The following PHF8 variants were observed in gnomAD, a reference collection of about 807,000 sequenced individuals.
PHF8 encodes histone lysine demethylase PHF8.
Under a neutral mutation model 74.4 loss-of-function variants are expected in PHF8, and 9 were observed. That is an observed-to-expected ratio of 0.12 (90% CI 0.07 to 0.21). The LOEUF is 0.21. PHF8 is among the 10% of genes least tolerant of loss of function. PHF8 has a pLI of 1.00. For missense variants in PHF8, 478 were observed against 816.6 expected (o/e 0.59, Z 5.05); for synonymous variants, 311 against 316.6 (o/e 0.98, Z 0.19).
rs782120113 is a variant in PHF8 at position 53,958,563 on chromosome X, C to T, written c.2539+4281G>A. ...TTGGGAGGCCGAGGCGGGCGGATCA[C>T]GAGGTCAGGAGATCGAGACCATCCT... On this transcript the variant is annotated intron_variant, in intron 19 of 21. Transcript: ENST00000338154. Among the ~76,000 whole-genome samples, 598 of 103,299 alleles carry T rather than the reference C, an allele frequency of 5.8e-3. 7 individuals carry two copies. Among genetic ancestry groups the T allele is most frequent in the African/African-American group, 0.02 (556 of 28,480 alleles). The allele number at this position is 103,299 out of a possible 115,157, so 89.7% of individuals were successfully genotyped here. A position where few individuals can be genotyped will look rare whatever the true frequency, so the allele number is the denominator to read the frequency against.
chrX:53,952,297 A>G (rs1206259503), intron 19 of PHF8, among the ~76,000 whole-genome samples: 6 of 109,651 alleles, frequency 5.5e-5, no homozygotes, highest in African/African-American at 2.0e-4. Flanking sequence ...AAAAAAAAAA[A>G]GGCATGTTAA....
At chrX:54,015,907 A>G (rs1228245708) in intron 6 of PHF8, among the ~76,000 whole-genome samples, 1 of 111,281 alleles carries the variant, frequency 9.0e-6, no homozygotes, top group Non-Finnish European at 1.9e-5. Context: ...TTTAAATGTA[A>G]GAAACCTACA....
Position 53,987,945 on chromosome X carries a change from C to T in PHF8, c.1731-1G>A, listed in dbSNP as rs797044651. 8.4e-6 allele frequency: 10 copies of T among 1,195,796 alleles called. No homozygotes were observed. The highest frequency in any genetic ancestry group is 1.1e-5 in the Non-Finnish European group (10 of 885,391). On this transcript the variant is annotated splice_acceptor_variant, in intron 14 of 21. Transcript: ENST00000338154. LOFTEE classifies it high-confidence loss of function. Reference sequence around the variant, plus strand: ...GGATAAACTCTTCACCCTTTTCGTACTGAAGGGAAGGAGAACATAAAAACA... The same window carrying T: ...GGATAAACTCTTCACCCTTTTCGTATTGAAGGGAAGGAGAACATAAAAACA...
At chrX:54,009,034 C>T (rs944413141) in intron 8 of PHF8, among the ~76,000 whole-genome samples, 7 of 110,781 alleles carry the variant, frequency 6.3e-5, no homozygotes, top group Non-Finnish European at 1.1e-4. Context: ...AAAAATTAGC[C>T]GGGTGTGGTA....
chrX:53,965,414 G>A (rs1184971766), intron 18 of PHF8, among the ~76,000 whole-genome samples: 1 of 112,936 alleles, frequency 8.9e-6, no homozygotes, highest in African/African-American at 3.2e-5. Context: ...AGATGCAGGC[G>A]GATCACTTGA....
chrX:53,985,831 T>C lies in PHF8; in HGVS notation c.2114A>G (p.Asp705Gly). Reference protein sequence around the residue: ...LKASRQVGGPDYAALTEAPAS... With the variant: ...LKASRQVGGPGYAALTEAPAS... ...CAGTACTCACGTGAGGGCAGCATAG[T>C]CAGGTCCCCCCACCTGCCTGCTGGC... Residue 705 changes from aspartate (D) to glycine (G), a missense_variant, in exon 17 of 22, where the codon GAC (aspartate) becomes GGC (glycine). Transcript: ENST00000338154. 8.3e-7 allele frequency: 1 copy of C among 1,211,428 alleles called. No individual in the cohort carries two copies. Among genetic ancestry groups the C allele is most frequent in the South Asian group, 1.8e-5 (1 of 56,975 alleles).
At chrX:53,964,799 G>A (rs782300215) in intron 18 of PHF8, among the ~76,000 whole-genome samples, 5 of 107,734 alleles carry the variant, frequency 4.6e-5, no homozygotes, top group Admixed American at 4.0e-4. Flanking sequence ...CCTTGGAGGC[G>A]GAGGTTGCAG....
chrX:54,018,866 C>T (rs782279534), intron 4 of PHF8, among the ~76,000 whole-genome samples: 83 of 110,712 alleles, frequency 7.5e-4, no homozygotes, highest in South Asian at 1.5e-3. Context: ...GTGATCTGCC[C>T]GCCTCAGCCT....
At chrX:53,959,359 T>G (rs953254606) in intron 19 of PHF8, among the ~76,000 whole-genome samples, 15 of 111,908 alleles carry the variant, frequency 1.3e-4, no homozygotes, top group Non-Finnish European at 2.6e-4. Context: ...GCCCTTCTAC[T>G]TTGCATCCTT....
chrX:53,980,950 C>G (rs782776916), intron 18 of PHF8, among the ~76,000 whole-genome samples: 1 of 112,735 alleles, frequency 8.9e-6, no homozygotes, highest in African/African-American at 3.2e-5. Context: ...TGGTGGCTCG[C>G]GCCTGTAATC....
At chrX:53,943,612 A>G (rs782701999) in intron 20 of PHF8, among the ~76,000 whole-genome samples, 1 of 112,290 alleles carries the variant, frequency 8.9e-6, no homozygotes, top group Non-Finnish European at 1.9e-5. Context: ...CACATTAAAG[A>G]ACTTTTAGAT....
At chrX:53,960,204 T>C (rs2065080576) in intron 19 of PHF8, among the ~76,000 whole-genome samples, 1 of 107,452 alleles carries the variant, frequency 9.3e-6, no homozygotes, top group Non-Finnish European at 1.9e-5. Context: ...GCCTCCCGAG[T>C]AGCTGGGACT....
intron 14 of PHF8, among the ~76,000 whole-genome samples, chrX:53,990,594 G>A (rs1403322057): frequency 9.0e-6 from 1 of 111,526 alleles, no homozygotes; most frequent in Non-Finnish European, 1.9e-5. Context: ...TTAGTAACTG[G>A]ATTCTCAAAC....
At chrX:53,965,264 C>T (rs782686133) in intron 18 of PHF8, among the ~76,000 whole-genome samples, 1 of 112,061 alleles carries the variant, frequency 8.9e-6, no homozygotes, top group Non-Finnish European at 1.9e-5. Context: ...ATGATCTGTC[C>T]CTCCACTGAA....
At chrX:53,991,069 T>C (rs961823303) in intron 14 of PHF8, among the ~76,000 whole-genome samples, 5 of 111,774 alleles carry the variant, frequency 4.5e-5, no homozygotes, top group Non-Finnish European at 9.4e-5. Context: ...AGAATACATA[T>C]AATGAGGACA....
chrX:54,016,645 C>T lies in PHF8; in HGVS notation c.546G>A (p.Gly182=), dbSNP rs782347534. 1.0e-5 allele frequency: 12 copies of T among 1,198,464 alleles called. No individual in the cohort carries two copies. Among genetic ancestry groups the T allele is most frequent in the South Asian group, 7.1e-5 (4 of 56,538 alleles). ...TGACATTGAGGACTTTCTCCCTCTT[C>T]CCGCTGTAATAGTATTTCACAAAAT... ...LGDFVKYYYS[G]KREKVLNVIS... is the part of the protein sequence containing the mutation. Residue 182 remains glycine, a synonymous_variant, in exon 6 of 22, where the codon GGG becomes GGA. Transcript: ENST00000338154.
intron 8 of PHF8, among the ~76,000 whole-genome samples, chrX:54,008,163 T>C (rs1261384117): frequency 9.2e-6 from 1 of 109,207 alleles, no homozygotes; most frequent in African/African-American, 3.3e-5. Context: ...GGTCAACAGA[T>C]TGAGACCATC....
chrX:53,964,131 G>A (rs1569525148), intron 18 of PHF8, among the ~76,000 whole-genome samples: 1 of 111,150 alleles, frequency 9.0e-6, no homozygotes, highest in African/African-American at 3.3e-5. Context: ...AACTAACACA[G>A]GACAGAAAAC....
chrX:53,980,222 TGGTGAA>T (rs1557097568), intron 18 of PHF8, among the ~76,000 whole-genome samples: 1 of 111,097 alleles, frequency 9.0e-6, no homozygotes, highest in Admixed American at 9.7e-5. Flanking sequence ...AAAATTCATA[TGGTGAA>T]GACCTACCCC....
Sources: allele counts gnomAD v4.1 joint callset (sites outside exome capture counted in the v4.1 genomes callset), GRCh38; gene constraint gnomAD v4.1.1; transcripts MANE v1.5; gene names NCBI Gene and HGNC (gene_info 2026-07-23, HGNC 2026-07-21).